Variants in BIVM observed in about 807,000 individuals in gnomAD.
The protein encoded by BIVM is basic immunoglobulin-like variable motif-containing protein.
In BIVM, 31 loss-of-function variants were observed where a neutral mutation model predicts 61.4. The ratio of observed to expected loss-of-function variants is 0.51; its 90% CI spans 0.38 to 0.68. The LOEUF is 0.68. Ranked by LOEUF, BIVM falls within the 30% of genes least tolerant of loss-of-function variation. BIVM has a pLI of 0.00. For synonymous variants in BIVM, 189 were observed against 210.7 expected (o/e 0.90, Z 0.89); for missense variants, 526 against 596.0 (o/e 0.88, Z 1.22).
chr13:102,840,224 G>A lies in BIVM; in HGVS notation c.*359G>A, dbSNP rs758059775. 13 of 172,350 alleles carry A rather than the reference G, an allele frequency of 7.5e-5. No individual in the cohort carries two copies. Among genetic ancestry groups the A allele is most frequent in the Non-Finnish European group, 1.6e-4 (13 of 81,836 alleles). 10.7% of individuals were successfully genotyped at this position (172,350 alleles called of 1,614,324 possible). A position where few individuals can be genotyped will look rare whatever the true frequency, so the allele number is the denominator to read the frequency against. On this transcript the variant is annotated 3_prime_UTR_variant, in exon 11 of 11. Coordinates refer to ENST00000257336, the MANE Select transcript of BIVM (RefSeq NM_017693.4). ...CATGAAGTGACTTTTATAATGACTC[G>A]ATCCCTAGACATTTGTTACAGATAG...
At chr13:102,832,575 A>G (rs1412226704) in intron 8 of BIVM, among the ~76,000 whole-genome samples, 2 of 152,224 alleles carry the variant, frequency 1.3e-5, no homozygotes, top group Non-Finnish European at 2.9e-5. Flanking sequence ...TGCCTCATCC[A>G]ACGTCCCACA....
intron 9 of BIVM, among the ~76,000 whole-genome samples, chr13:102,835,543 G>A (rs1881407569): frequency 1.3e-5 from 2 of 151,982 alleles, no homozygotes; most frequent in Non-Finnish European, 2.9e-5. Context: ...TTGTTTGTTT[G>A]GTTTTTTTAA....
chr13:102,817,958 C>T (rs1879987931), intron 4 of BIVM, among the ~76,000 whole-genome samples: 1 of 152,010 alleles, frequency 6.6e-6, no homozygotes, highest in Non-Finnish European at 1.5e-5. Flanking sequence ...CTTTGTTTTC[C>T]CAAGGTTTAC....
intron 1 of BIVM, among the ~76,000 whole-genome samples, chr13:102,804,413 C>A (rs1878930317): frequency 6.6e-6 from 1 of 152,226 alleles, no homozygotes; most frequent in South Asian, 2.1e-4. Context: ...TGGGTTCAGG[C>A]CGTTCTCCTG....
chr13:102,825,320 A>C lies in BIVM; in HGVS notation c.901+3161A>C, dbSNP rs377164111. On this transcript the variant is annotated intron_variant, in intron 7 of 10. Coordinates refer to ENST00000257336, the MANE Select transcript of BIVM (RefSeq NM_017693.4). Reference sequence around the variant, plus strand: ...ACTATATTGCCCAGGCTAGTCTTGAACTCCTGGCCTTAAGTGATCCTCCTA... The same window carrying C: ...ACTATATTGCCCAGGCTAGTCTTGACCTCCTGGCCTTAAGTGATCCTCCTA... Among the ~76,000 whole-genome samples, 45 of 145,048 alleles carry C rather than the reference A, an allele frequency of 3.1e-4. No individual in the cohort carries two copies. In the Middle Eastern group the frequency reaches 0.01, roughly 34 times the overall value.
At chr13:102,814,264 C>T (rs1445683043) in intron 3 of BIVM, among the ~76,000 whole-genome samples, 1 of 152,194 alleles carries the variant, frequency 6.6e-6, no homozygotes, top group African/African-American at 2.4e-5. Flanking sequence ...GTTCCCATCT[C>T]AAACGGCGCT....
chr13:102,814,351 G>C (rs1023742798), intron 3 of BIVM, among the ~76,000 whole-genome samples: 1 of 152,078 alleles, frequency 6.6e-6, no homozygotes, highest in African/African-American at 2.4e-5. Context: ...GTGGCAGTGC[G>C]GGCATTTTAT....
Position 102,821,143 on chromosome 13 carries a change from C to T in BIVM, c.701+11C>T. 6.2e-7 allele frequency: 1 copy of T among 1,604,204 alleles called. No homozygotes were observed. The highest frequency in any genetic ancestry group is 8.5e-7 in the Non-Finnish European group (1 of 1,176,608). On this transcript the variant is annotated intron_variant, in intron 5 of 10. Transcript: ENST00000257336. ...AATGGGAGCTGGAAAGTAAGTATGT[C>T]AATTTATCAGTACCCCCAAACTCCA... is the stretch of plus-strand genomic sequence containing the variant.
At chr13:102,832,646 G>T (rs903220178) in intron 8 of BIVM, among the ~76,000 whole-genome samples, 1 of 152,184 alleles carries the variant, frequency 6.6e-6, no homozygotes, top group Non-Finnish European at 1.5e-5. Flanking sequence ...AAATTAAAAA[G>T]CATCTTCTTT....
chr13:102,807,387 C>T lies in BIVM; in HGVS notation c.120C>T (p.Ala40=). The part of the protein sequence containing the change: ...QGAVKSFCTS[A]SGAPLGPKGD... ...CTGTAAAATCTTTCTGCACAAGTGCCTCAGGAGCACCCTTGGGTCCCAAAG... is the reference window on the plus strand; with the variant it reads ...CTGTAAAATCTTTCTGCACAAGTGCTTCAGGAGCACCCTTGGGTCCCAAAG... The change falls in exon 3 of 11, where the codon GCC becomes GCT. Residue 40 remains alanine (A), a synonymous_variant. Transcript: ENST00000257336. This position sits in a 1 kb window ranked among gnomAD's most constrained non-coding sequence, Gnocchi z 4.0. 1 of 1,614,138 alleles carries T rather than the reference C, an allele frequency of 6.2e-7. No individual in the cohort carries two copies. The highest frequency in any genetic ancestry group is 8.5e-7 in the Non-Finnish European group (1 of 1,180,040).
chr13:102,810,998 T>C (rs1483452574), intron 3 of BIVM, among the ~76,000 whole-genome samples: 2 of 152,236 alleles, frequency 1.3e-5, no homozygotes, highest in Admixed American at 1.3e-4. Flanking sequence ...TCCAAAGTGC[T>C]GGGAATACAG....
intron 3 of BIVM, among the ~76,000 whole-genome samples, chr13:102,810,625 G>A (rs1879432782): frequency 6.6e-6 from 1 of 152,178 alleles, no homozygotes; most frequent in Non-Finnish European, 1.5e-5. Context: ...TATATATTGT[G>A]TGTCTGAAAA....
intron 7 of BIVM, among the ~76,000 whole-genome samples, chr13:102,828,082 A>G (rs1880799641): frequency 6.6e-6 from 1 of 152,216 alleles, no homozygotes. Context: ...GTTGTGATTC[A>G]GGGACTCCCC....
rs1415323349 is a variant in BIVM, at chr13:102,839,916, G to A, written c.*51G>A. ...ATTATATATGAAACTGCTATATACA[G>A]GACTGTATAAAGACAGTAGAAGATT... is the stretch of plus-strand genomic sequence containing the variant. On this transcript the variant is annotated 3_prime_UTR_variant, in exon 11 of 11. Transcript: ENST00000257336. 1 of 1,537,736 alleles carries A rather than the reference G, an allele frequency of 6.5e-7. No homozygotes were observed. The highest frequency in any genetic ancestry group is 2.3e-5 in the East Asian group (1 of 44,414).
intron 3 of BIVM, among the ~76,000 whole-genome samples, chr13:102,808,802 G>C (rs1166121343): frequency 6.6e-6 from 1 of 151,966 alleles, no homozygotes; most frequent in Non-Finnish European, 1.5e-5. Flanking sequence ...ATTTTAATTT[G>C]TCCATGTCAT....
chr13:102,812,912 T>C (rs1012641714), intron 3 of BIVM, among the ~76,000 whole-genome samples: 4 of 152,224 alleles, frequency 2.6e-5, no homozygotes, highest in African/African-American at 4.8e-5. Flanking sequence ...CCAATTTTCA[T>C]AGGACATGGA....
intron 7 of BIVM, among the ~76,000 whole-genome samples, chr13:102,831,340 C>A (rs1197049432): frequency 6.6e-6 from 1 of 152,162 alleles, no homozygotes; most frequent in African/African-American, 2.4e-5. Flanking sequence ...TATTTTAGTT[C>A]TTTAGTTTGC....
chr13:102,816,546 C>T lies in BIVM; in HGVS notation c.597C>T (p.Leu199=). ...TTAAACAGCGGAAAGTATTAGACCT[C>T]AGACGATGGTGATGTTATCAGTTTT... is the stretch of plus-strand genomic sequence containing the variant. ...EDIKQRKVLD[L]RRWYCISRPQ... is the part of the protein sequence containing the mutation. The change falls in exon 4 of 11, where the codon CTC becomes CTT. Residue 199 remains leucine, a synonymous_variant. Coordinates refer to ENST00000257336, the MANE Select transcript of BIVM (RefSeq NM_017693.4). The T allele has an allele frequency of 6.4e-7, 1 of 1,557,930 alleles. No individual in the cohort carries two copies. The highest frequency in any genetic ancestry group is 8.6e-7 in the Non-Finnish European group (1 of 1,158,830).
intron 7 of BIVM, among the ~76,000 whole-genome samples, chr13:102,824,781 G>A (rs1228375951): frequency 6.6e-6 from 1 of 151,986 alleles, no homozygotes. Context: ...TTTTAGAGAT[G>A]AGGGTCTCAT....
Sources: allele counts gnomAD v4.1 joint callset (sites outside exome capture counted in the v4.1 genomes callset), GRCh38; gene constraint gnomAD v4.1.1; non-coding constraint Gnocchi (gnomAD v3.1); transcripts MANE v1.5; gene names NCBI Gene and HGNC (gene_info 2026-07-23, HGNC 2026-07-21).